The following GATAD2B variants were observed in gnomAD, a reference collection of about 807,000 sequenced individuals.
GATAD2B encodes the protein GATA zinc finger domain containing 2B.
In GATAD2B, 8 loss-of-function variants were observed where a neutral mutation model predicts 64.3. The observed-to-expected ratio is 0.12, with a 90% CI of 0.07 to 0.22. GATAD2B has a LOEUF of 0.22. Among genes scored for constraint, GATAD2B ranks in the 10% least tolerant of loss-of-function variants. The pLI, the probability that GATAD2B is intolerant of heterozygous loss-of-function variation, is 1.00. For missense variants in GATAD2B, 453 were observed against 752.0 expected (o/e 0.60, Z 4.65); for synonymous variants, 281 against 271.3 (o/e 1.04, Z -0.35).
chr1:153,874,574 TTTTTTGTTG>T (rs938154112), intron 1 of GATAD2B, among the ~76,000 whole-genome samples: 6 of 152,044 alleles, frequency 3.9e-5, no homozygotes, highest in African/African-American at 1.2e-4. Context: ...TTTTTGGGGT[TTTTTTGTTG>T]TTTTTGTTTT....
chr1:153,878,033 A>G (rs1198284048), intron 1 of GATAD2B, among the ~76,000 whole-genome samples: 1 of 152,152 alleles, frequency 6.6e-6, no homozygotes. Flanking sequence ...AGACTAGGAA[A>G]TAATACTCCT....
At chr1:153,827,242 C>A (rs1388944360) in intron 2 of GATAD2B, among the ~76,000 whole-genome samples, 2 of 144,134 alleles carry the variant, frequency 1.4e-5, no homozygotes, top group African/African-American at 5.1e-5. Context: ...CGAGACCTTG[C>A]CTCAAAAAAA....
At chr1:153,896,250 C>T (rs995028239) in intron 1 of GATAD2B, among the ~76,000 whole-genome samples, 2 of 151,984 alleles carry the variant, frequency 1.3e-5, no homozygotes, top group African/African-American at 4.8e-5. Context: ...TAAAACAGAT[C>T]CTGGCTCCTA....
chr1:153,875,484 C>T (rs544563045), intron 1 of GATAD2B, among the ~76,000 whole-genome samples: 4 of 152,120 alleles, frequency 2.6e-5, no homozygotes, highest in Non-Finnish European at 5.9e-5. Context: ...CTATACCATG[C>T]GGTTCTTACA....
intron 1 of GATAD2B, among the ~76,000 whole-genome samples, chr1:153,910,455 T>C (rs1440453963): frequency 6.6e-6 from 1 of 152,154 alleles, no homozygotes; most frequent in Non-Finnish European, 1.5e-5. Context: ...AAAATAGGCT[T>C]TGGGCTGGGC....
chr1:153,922,862 G>A lies in GATAD2B; in HGVS notation c.-131C>T, dbSNP rs925350906. The A allele has an allele frequency of 2.0e-5, 3 of 150,776 alleles. No individual in the cohort carries two copies. The highest frequency in any genetic ancestry group is 7.4e-5 in the African/African-American group (3 of 40,650). 9.3% of individuals were successfully genotyped at this position (150,776 alleles called of 1,614,324 possible). ...GGGACTAGGGACGGGGGTAGGGGAG[G>A]GGGGCGGGCCGGACCGGGGCGGGCG... On this transcript the variant is annotated 5_prime_UTR_variant, in exon 1 of 11. Transcript: ENST00000368655.
rs1193958410 is a variant in GATAD2B at position 153,880,820 on chromosome 1, G to C, written c.-2+41913C>G. Among the ~76,000 whole-genome samples, 17 of 151,764 alleles carry C rather than the reference G, an allele frequency of 1.1e-4. No homozygotes were observed. In the East Asian group the frequency reaches 3.3e-3, roughly 29 times the overall value. On this transcript the variant is annotated intron_variant, in intron 1 of 10. Coordinates refer to ENST00000368655, the MANE Select transcript of GATAD2B (RefSeq NM_020699.4). Reference sequence around the variant, plus strand: ...GATCACATCACTGCACTCCAGCTTGGGTGACAGAGACCCTGTCTCAAAAAA... The same window carrying C: ...GATCACATCACTGCACTCCAGCTTGCGTGACAGAGACCCTGTCTCAAAAAA...
Position 153,820,974 on chromosome 1 carries a change from ATTTTTTTTTTTTTTTTTTT to A in GATAD2B, c.336-1258_336-1240del, listed in dbSNP as rs869096882. The stretch of plus-strand genomic sequence containing the variant: ...GTCCTAGTTGCTGTTGGCACATGGA[ATTTTTTTTTTTTTTTTTTT>A]TTTTTTTTTTTTTTGAGACAGGGTC... On this transcript the variant is annotated intron_variant, in intron 2 of 10. Transcript: ENST00000368655. Among the ~76,000 whole-genome samples the A allele has an allele frequency of 1.2e-4, 6 of 50,866 alleles. No homozygotes were observed. In the East Asian group the frequency reaches 2.6e-3, roughly 22 times the overall value. The allele number at this position is 50,866 out of a possible 152,430, so 33.4% of individuals were successfully genotyped here.
rs547137168 is a variant in GATAD2B, at chr1:153,884,301, G to A, written c.-2+38432C>T. Among the ~76,000 whole-genome samples, 8 of 152,320 alleles carry A rather than the reference G, an allele frequency of 5.3e-5. No homozygotes were observed. The East Asian group carries it at 1.2e-3, about 22-fold the overall frequency. On this transcript the variant is annotated intron_variant, in intron 1 of 10. Transcript: ENST00000368655. Reference sequence around the variant, plus strand: ...AAAAATACAAAAAAATTAGCCAGGCGTGGTGATGGCGGGTGCCTGTAGTCC... The same window carrying A: ...AAAAATACAAAAAAATTAGCCAGGCATGGTGATGGCGGGTGCCTGTAGTCC...
At chr1:153,871,061 G>GTGTTTTT (rs1050270987) in intron 1 of GATAD2B, among the ~76,000 whole-genome samples, 1 of 151,504 alleles carries the variant, frequency 6.6e-6, no homozygotes, top group African/African-American at 2.4e-5. Flanking sequence ...ACCACGCCTG[G>GTGTTTTT]TGTTTTTTGT....
chr1:153,913,917 C>CAAA (rs529962637), intron 1 of GATAD2B, among the ~76,000 whole-genome samples: 28 of 100,128 alleles, frequency 2.8e-4, no homozygotes, highest in African/African-American at 1.2e-3. Context: ...AAGACTCTGT[C>CAAA]AAAAAAAAAA....
At position 153,861,809 on chromosome 1, in the gene GATAD2B, T is replaced by TATATATATATAC. The variant is rs1294838675; in HGVS notation, c.-1-33462_-1-33461insGTATATATATAT. Among the ~76,000 whole-genome samples, 238 of 122,096 alleles carry TATATATATATAC rather than the reference T, an allele frequency of 1.9e-3. 3 individuals are homozygous for TATATATATATAC. Among genetic ancestry groups the TATATATATATAC allele is most frequent in the Middle Eastern group, 4.5e-3 (1 of 224 alleles). The allele number at this position is 122,096 out of a possible 152,430, so 80.1% of individuals were successfully genotyped here. Reference sequence around the variant, plus strand: ...AAAAAAAAAAAAATATATATATATATACACATATGTATATATATGTATATG... The same window carrying TATATATATATAC: ...AAAAAAAAAAAAATATATATATATATATATATATATACACACATATGTATATATATGTATATG... On this transcript the variant is annotated intron_variant, in intron 1 of 10. Coordinates refer to ENST00000368655, the MANE Select transcript of GATAD2B (RefSeq NM_020699.4).
At chr1:153,811,369 A>G (rs1674286807) in intron 10 of GATAD2B, among the ~76,000 whole-genome samples, 1 of 152,224 alleles carries the variant, frequency 6.6e-6, no homozygotes, top group Admixed American at 6.5e-5. Context: ...GAATCATTAA[A>G]TCAGCTTTGA....
chr1:153,885,489 A>G (rs1361764859), intron 1 of GATAD2B, among the ~76,000 whole-genome samples: 2 of 152,072 alleles, frequency 1.3e-5, no homozygotes, highest in Non-Finnish European at 2.9e-5. Context: ...TGGGAGGCAG[A>G]GGCAGGTGGA....
chr1:153,887,384 GTTACCAATCAA>G (rs1677216202), intron 1 of GATAD2B, among the ~76,000 whole-genome samples: 1 of 152,194 alleles, frequency 6.6e-6, no homozygotes, highest in African/African-American at 2.4e-5. Flanking sequence ...TCACTTGGGA[GTTACCAATCAA>G]TGACTGATTG....
At chr1:153,905,590 G>A (rs1288087007) in intron 1 of GATAD2B, among the ~76,000 whole-genome samples, 4 of 143,850 alleles carry the variant, frequency 2.8e-5, no homozygotes, top group Non-Finnish European at 4.5e-5. Flanking sequence ...AAAGTCAGAC[G>A]ACTCATTCTT....
intron 1 of GATAD2B, among the ~76,000 whole-genome samples, chr1:153,889,353 G>A (rs1677287154): frequency 6.9e-6 from 1 of 145,528 alleles, no homozygotes. Flanking sequence ...CGGACGTTCT[G>A]GTGAACCGAG....
intron 1 of GATAD2B, among the ~76,000 whole-genome samples, chr1:153,874,968 A>C (rs1490657766): frequency 6.7e-6 from 1 of 150,142 alleles, no homozygotes; most frequent in Non-Finnish European, 1.5e-5. Flanking sequence ...GCAGCCTCAA[A>C]CTCCCAGGCT....
Position 153,901,054 on chromosome 1 carries a change from A to T in GATAD2B, c.-2+21679T>A, listed in dbSNP as rs761437061. The stretch of plus-strand genomic sequence containing the variant: ...CCTGGCAAAACCCCATCTCTACTAA[A>T]AATACAAAAATTAGCCAGGTGTGGT... On this transcript the variant is annotated intron_variant, in intron 1 of 10. Transcript: ENST00000368655. Among the ~76,000 whole-genome samples, 43 of 152,154 alleles carry T rather than the reference A, an allele frequency of 2.8e-4. No homozygotes were observed. The Middle Eastern group carries it at 0.014, about 48-fold the overall frequency.
Sources: gnomAD v4.1 joint callset for allele counts (sites outside exome capture counted in the v4.1 genomes callset) on GRCh38, gnomAD v4.1.1 for gene constraint, MANE v1.5 for transcripts, NCBI Gene and HGNC (gene_info 2026-07-23, HGNC 2026-07-21) for gene names.